Variants in RANGAP1 observed in about 807,000 individuals in gnomAD.
RANGAP1 encodes ran GTPase-activating protein 1.
A neutral mutation model predicts 63.5 loss-of-function variants in RANGAP1; 38 were observed. The ratio of observed to expected loss-of-function variants is 0.60; its 90% confidence interval spans 0.46 to 0.78. The LOEUF is 0.78. Ranked by LOEUF, RANGAP1 falls within the 30% of genes least tolerant of loss-of-function variation. RANGAP1 has a pLI of 0.00. For synonymous variants in RANGAP1, 329 were observed against 310.5 expected (o/e 1.06, Z -0.63); for missense variants, 630 against 740.3 (o/e 0.85, Z 1.73).
the RANGAP1 span, among the ~76,000 whole-genome samples, chr22:41,296,237 C>A: frequency 6.6e-6 from 1 of 151,328 alleles, no homozygotes; most frequent in Non-Finnish European, 1.5e-5. Flanking sequence ...TAACAAAAGT[C>A]CAGGAAAAAC....
intron 3 of RANGAP1, among the ~76,000 whole-genome samples, chr22:41,273,662 C>T (rs1330537382): frequency 6.8e-6 from 1 of 148,120 alleles, no homozygotes; most frequent in Non-Finnish European, 1.5e-5. Flanking sequence ...AGCTACTTGG[C>T]AGGCTGAGGC....
At chr22:41,268,189 G>C (rs2034596242) in intron 3 of RANGAP1, 33 bp from the exon 4 acceptor site, 1 of 1,496,994 alleles carries the variant, frequency 6.7e-7, no homozygotes, top group Non-Finnish European at 9.1e-7. Context: ...GTTAGCGGGA[G>C]AGAGACCCCT....
At chr22:41,284,427 C>A (rs1601730821) in intron 1 of RANGAP1, among the ~76,000 whole-genome samples, 1 of 151,698 alleles carries the variant, frequency 6.6e-6, no homozygotes, top group South Asian at 2.1e-4. Context: ...ATTAACCGGG[C>A]GTGGTGGCAC....
intron 6 of RANGAP1, among the ~76,000 whole-genome samples, chr22:41,260,708 G>A (rs2034116240): frequency 6.6e-6 from 1 of 152,198 alleles, no homozygotes; most frequent in African/African-American, 2.4e-5. Flanking sequence ...TTAGCCGGGT[G>A]TGGTGGCGGG....
At chr22:41,283,446 T>A (rs1165527689) in intron 1 of RANGAP1, among the ~76,000 whole-genome samples, 2 of 151,302 alleles carry the variant, frequency 1.3e-5, no homozygotes, top group Non-Finnish European at 2.9e-5. Context: ...GAGGCGGAGG[T>A]TGCAGTGAGC....
At chr22:41,271,671 G>GC (rs1868828063) in intron 3 of RANGAP1, among the ~76,000 whole-genome samples, 1 of 151,342 alleles carries the variant, frequency 6.6e-6, no homozygotes, top group Non-Finnish European at 1.5e-5. Flanking sequence ...TCCAGCCTGG[G>GC]GACAGAGCGA....
upstream of RANGAP1, among the ~76,000 whole-genome samples, chr22:41,290,155 A>G (rs530739696): frequency 4.5e-4 from 68 of 151,028 alleles, 1 homozygote; most frequent in South Asian, 0.013. Flanking sequence ...AAGAAAAAAA[A>G]AAAAGAGAGA....
intron 12 of RANGAP1, among the ~76,000 whole-genome samples, chr22:41,251,356 C>T (rs1381398705): frequency 6.6e-6 from 1 of 152,098 alleles, no homozygotes; most frequent in African/African-American, 2.4e-5. Flanking sequence ...CCGGGTGTGG[C>T]GGCTCATGCC....
intron 2 of RANGAP1, among the ~76,000 whole-genome samples, chr22:41,277,792 A>G (rs2035243979): frequency 6.6e-6 from 1 of 152,160 alleles, no homozygotes; most frequent in Non-Finnish European, 1.5e-5. Flanking sequence ...GTGCTCTTAA[A>G]GTAAAAGTGA....
At chr22:41,302,151 G>C in the RANGAP1 span, among the ~76,000 whole-genome samples, 2 of 152,048 alleles carry the variant, frequency 1.3e-5, no homozygotes, top group African/African-American at 2.4e-5. The surrounding 1 kb of genome is among the most constrained non-coding windows in gnomAD (Gnocchi z 5.7). Flanking sequence ...GGGGTGTCCA[G>C]ATGCTTTGCC....
At position 41,268,090 on chromosome 22, in the gene RANGAP1, C is replaced by T. The variant is rs765103293; in HGVS notation, c.300+7G>A. On this transcript the variant is annotated splice_region_variant and intron_variant, in intron 4 of 15. Transcript: ENST00000356244. ...GCGTGGAGGGGAAGAGCGGCTAGTTCGCTTACCAGGGCTGGTGGGATCTCG... is the reference window on the plus strand; with the variant it reads ...GCGTGGAGGGGAAGAGCGGCTAGTTTGCTTACCAGGGCTGGTGGGATCTCG... The T allele has an allele frequency of 8.4e-6, 13 of 1,544,938 alleles. No homozygotes were observed. Among genetic ancestry groups the T allele is most frequent in the East Asian group, 4.8e-5 (2 of 41,458 alleles).
chr22:41,253,343 A>T (rs544673161), intron 11 of RANGAP1, among the ~76,000 whole-genome samples: 2 of 152,370 alleles, frequency 1.3e-5, no homozygotes, highest in Non-Finnish European at 1.5e-5. Flanking sequence ...ACTACAGTCC[A>T]GCCTGGGTAA....
chr22:41,254,225 C>G, intron 11 of RANGAP1, 83 bp downstream of exon 11: 1 of 1,511,856 alleles, frequency 6.6e-7, no homozygotes, highest in Non-Finnish European at 9.1e-7. Flanking sequence ...TAAGGAGACA[C>G]CCCCTACCCC....
At chr22:41,290,624 CTG>C (rs1193591181), upstream of RANGAP1, among the ~76,000 whole-genome samples, 1 of 152,206 alleles carries the variant, frequency 6.6e-6, no homozygotes, top group African/African-American at 2.4e-5. Context: ...AGGCCTTTCT[CTG>C]TTGTGCAGCC....
chr22:41,265,980 A>G lies in RANGAP1; in HGVS notation c.301-1137T>C, dbSNP rs148791630. On this transcript the variant is annotated intron_variant, in intron 4 of 15. Transcript: ENST00000356244. ...CACTTTGGGAGGCCAAGGTGGGCGGATCACGAGGTCGGGAGATCGAGACCA... is the reference window on the plus strand; with the variant it reads ...CACTTTGGGAGGCCAAGGTGGGCGGGTCACGAGGTCGGGAGATCGAGACCA... Among the ~76,000 whole-genome samples the G allele has an allele frequency of 1.1e-3, 166 of 151,912 alleles. 3 individuals are homozygous for G. The East Asian group carries it at 0.023, about 21-fold the overall frequency.
rs180771700 is a variant in RANGAP1, at chr22:41,264,272, G to A, written c.480+392C>T. Reference sequence around the variant, plus strand: ...GGGCAAGGCCCTGTCTAGGAATAAAGGTGAGCTGTGACGGTGCCCCCCCTG... The same window carrying A: ...GGGCAAGGCCCTGTCTAGGAATAAAAGTGAGCTGTGACGGTGCCCCCCCTG... On this transcript the variant is annotated intron_variant, in intron 5 of 15. Coordinates refer to ENST00000356244, the MANE Select transcript of RANGAP1 (RefSeq NM_002883.4). 5.4e-3 allele frequency among the ~76,000 whole-genome samples: 637 copies of A among 117,146 alleles called. 1 individual carries two copies. Among genetic ancestry groups the A allele is most frequent in the Non-Finnish European group, 9.1e-3 (519 of 56,920 alleles). 76.9% of individuals were successfully genotyped at this position (117,146 alleles called of 152,430 possible).
chr22:41,294,651 A>G, the RANGAP1 span, among the ~76,000 whole-genome samples: 94,236 of 128,198 alleles, frequency 0.74, 34,887 homozygotes, highest in Middle Eastern at 0.8. Flanking sequence ...AGTGAGGAGC[A>G]TCTCTGCCCG....
intron 6 of RANGAP1, among the ~76,000 whole-genome samples, chr22:41,259,970 T>C (rs1258696858): frequency 1.3e-5 from 2 of 151,598 alleles, no homozygotes; most frequent in African/African-American, 4.8e-5. Flanking sequence ...TGCACCGTTG[T>C]ACTCCAGCCT....
intron 6 of RANGAP1, among the ~76,000 whole-genome samples, chr22:41,260,511 G>C (rs1247842587): frequency 6.6e-6 from 1 of 152,182 alleles, no homozygotes; most frequent in Non-Finnish European, 1.5e-5. Flanking sequence ...GCCCGTATGA[G>C]CAATGCTCCT....
Sources: gnomAD v4.1 joint callset for allele counts (sites outside exome capture counted in the v4.1 genomes callset) on GRCh38, gnomAD v4.1.1 for gene constraint, Gnocchi (gnomAD v3.1) non-coding constraint, MANE v1.5 for transcripts, NCBI Gene and HGNC (gene_info 2026-07-23, HGNC 2026-07-21) for gene names.